Variants in FGF12 observed in about 807,000 individuals in gnomAD.
FGF12 encodes fibroblast growth factor 12.
FGF12 carries 14 observed loss-of-function variants against 23.6 expected under a neutral mutation model. The ratio of observed to expected loss-of-function variants is 0.59; its 90% CI spans 0.39 to 0.93. The LOEUF (loss-of-function observed/expected upper bound fraction) is 0.93, where lower values mean the gene tolerates loss of function less well. Ranked by LOEUF, FGF12 falls within the 40% of genes least tolerant of loss-of-function variation. FGF12 has a pLI of 0.00. For missense variants in FGF12, 175 were observed against 217.8 expected, an observed-to-expected ratio of 0.80 and a Z score of 1.24; for synonymous variants, 62 against 77.3, an observed-to-expected ratio of 0.80 and a Z score of 1.04.
chr3:192,571,855 TC>T (rs2108605938), intron 2 of FGF12, among the ~76,000 whole-genome samples: 1 of 152,052 alleles, frequency 6.6e-6, no homozygotes, highest in Non-Finnish European at 1.5e-5. Flanking sequence ...TGCCCATGCC[TC>T]CTAGAGGTCT....
At chr3:192,545,796 T>C (rs921117767) in intron 2 of FGF12, among the ~76,000 whole-genome samples, 12 of 152,232 alleles carry the variant, frequency 7.9e-5, no homozygotes, top group African/African-American at 2.7e-4. Context: ...GAATTACCTG[T>C]CTCTACTCAT....
intron 2 of FGF12, among the ~76,000 whole-genome samples, chr3:192,404,705 C>T (rs1198162398): frequency 6.6e-6 from 1 of 152,156 alleles, no homozygotes; most frequent in Non-Finnish European, 1.5e-5. Context: ...TCAATGACCT[C>T]ATCCAACTTT....
In FGF12 at chr3:192,484,649, A is replaced by G. The variant is rs1374007160; in HGVS notation, c.14-124111T>C. Reference sequence around the variant, plus strand: ...GGAGAAGAGCAGGTTTCTCTGGGTGAAAAGAGAGGACAGTTGCCATAAAGG... The same window carrying G: ...GGAGAAGAGCAGGTTTCTCTGGGTGGAAAGAGAGGACAGTTGCCATAAAGG... On this transcript the variant is annotated intron_variant, in intron 2 of 5. Transcript: ENST00000445105. 8.5e-5 allele frequency among the ~76,000 whole-genome samples: 13 copies of G among 152,158 alleles called. 1 individual carries two copies. Among genetic ancestry groups the G allele is most frequent in the Admixed American group, 8.5e-4 (13 of 15,262 alleles).
chr3:192,212,790 G>T (rs533955761), intron 4 of FGF12, among the ~76,000 whole-genome samples: 14 of 150,312 alleles, frequency 9.3e-5, no homozygotes, highest in Admixed American at 8.6e-4. Context: ...CAAAAATGGG[G>T]GGGGGGTTAA....
At chr3:192,449,311 C>T (rs533084893) in intron 2 of FGF12, among the ~76,000 whole-genome samples, 1 of 152,222 alleles carries the variant, frequency 6.6e-6, no homozygotes, top group South Asian at 2.1e-4. Flanking sequence ...TTTTGGATGG[C>T]CGTCAGCAGC....
At chr3:192,496,747 C>T (rs766051008) in intron 2 of FGF12, among the ~76,000 whole-genome samples, 1 of 152,150 alleles carries the variant, frequency 6.6e-6, no homozygotes, top group African/African-American at 2.4e-5. Flanking sequence ...AAGATCCATT[C>T]CCAGTCTGCG....
chr3:192,317,257 A>G (rs1238952963), intron 4 of FGF12, among the ~76,000 whole-genome samples: 1 of 151,870 alleles, frequency 6.6e-6, no homozygotes, highest in African/African-American at 2.4e-5. Flanking sequence ...ACCACAGTGG[A>G]GTACAGCATC....
At chr3:192,633,579 C>G (rs1349402365) in intron 2 of FGF12, among the ~76,000 whole-genome samples, 1 of 152,128 alleles carries the variant, frequency 6.6e-6, no homozygotes, top group Non-Finnish European at 1.5e-5. Context: ...TTATCCAATT[C>G]ACTCCATTTT....
chr3:192,513,246 C>T (rs1290960845), intron 2 of FGF12, among the ~76,000 whole-genome samples: 1 of 151,968 alleles, frequency 6.6e-6, no homozygotes, highest in African/African-American at 2.4e-5. Flanking sequence ...TATCAAAACA[C>T]GAAACTTTAA....
chr3:192,313,651 A>G (rs912094892), intron 4 of FGF12, among the ~76,000 whole-genome samples: 5 of 152,192 alleles, frequency 3.3e-5, no homozygotes. Context: ...TGTAGTCTCT[A>G]CAGTTCAATA....
In FGF12 at chr3:192,158,382, C is replaced by CTTTCTTTCTTTCTT. The variant is rs1325095002; in HGVS notation, c.427+12075_427+12076insAAGAAAGAAAGAAA. ...TCTTTCTTTCTTTCTTTCTTTCTTT[C>CTTTCTTTCTTTCTT]TTTTCTTTCTCTCTCTTTCTTTTTC... On this transcript the variant is annotated intron_variant, in intron 5 of 5. Transcript: ENST00000445105. Among the ~76,000 whole-genome samples, 217 of 81,532 alleles carry CTTTCTTTCTTTCTT rather than the reference C, an allele frequency of 2.7e-3. 1 individual carries two copies. The highest frequency in any genetic ancestry group is 0.012 in the African/African-American group (214 of 17,506). The allele number at this position is 81,532 out of a possible 152,430, so 53.5% of individuals were successfully genotyped here. A position where few individuals can be genotyped will look rare whatever the true frequency, so the allele number is the denominator to read the frequency against.
chr3:192,583,871 A>T (rs183029448), intron 2 of FGF12, among the ~76,000 whole-genome samples: 2 of 152,172 alleles, frequency 1.3e-5, no homozygotes, highest in African/African-American at 4.8e-5. Flanking sequence ...CTGTTAATTT[A>T]AATCCTGGAA....
chr3:192,352,672 T>C (rs1049430452), intron 3 of FGF12, among the ~76,000 whole-genome samples: 1 of 152,236 alleles, frequency 6.6e-6, no homozygotes, highest in African/African-American at 2.4e-5. Context: ...AGATGACATT[T>C]ATTAAGAATT....
intron 2 of FGF12, among the ~76,000 whole-genome samples, chr3:192,512,174 T>C (rs1724497265): frequency 6.6e-6 from 1 of 152,162 alleles, no homozygotes; most frequent in Admixed American, 6.5e-5. Flanking sequence ...TTTAAAATAT[T>C]ACTTAATTTC....
intron 2 of FGF12, among the ~76,000 whole-genome samples, chr3:192,602,609 A>C (rs1451672290): frequency 1.3e-5 from 2 of 152,092 alleles, no homozygotes; most frequent in African/African-American, 2.4e-5. Context: ...TAAACAGCAA[A>C]GTTTCAATAG....
chr3:192,432,737 G>A (rs1354291062), intron 2 of FGF12, among the ~76,000 whole-genome samples: 5 of 152,098 alleles, frequency 3.3e-5, no homozygotes, highest in Non-Finnish European at 5.9e-5. Context: ...CTTGCAAGAG[G>A]ATCTGAGCTC....
intron 5 of FGF12, among the ~76,000 whole-genome samples, chr3:192,158,206 T>C (rs554795191): frequency 6.6e-5 from 10 of 152,184 alleles, no homozygotes; most frequent in African/African-American, 2.4e-4. Context: ...AGCTCTCTCA[T>C]GCTTCGCAAG....
intron 2 of FGF12, among the ~76,000 whole-genome samples, chr3:192,705,408 CAA>C (rs1718435284): frequency 6.6e-6 from 1 of 152,182 alleles, no homozygotes; most frequent in Admixed American, 6.5e-5. Context: ...AGAACACACA[CAA>C]GAATTAACAG....
intron 2 of FGF12, among the ~76,000 whole-genome samples, chr3:192,634,862 A>T (rs1715521669): frequency 6.6e-6 from 1 of 151,790 alleles, no homozygotes; most frequent in Admixed American, 6.6e-5. Flanking sequence ...GATGAGAATA[A>T]TTTTTTTTCT....
Sources: gnomAD v4.1 joint callset for allele counts (sites outside exome capture counted in the v4.1 genomes callset) on GRCh38, gnomAD v4.1.1 for gene constraint, MANE v1.5 for transcripts, NCBI Gene and HGNC (gene_info 2026-07-23, HGNC 2026-07-21) for gene names.